HECW2: variants seen among roughly 807,000 people sequenced by gnomAD.
HECW2 encodes HECT, C2 and WW domain containing E3 ubiquitin protein ligase 2.
In HECW2, 61 loss-of-function variants were observed where a neutral mutation model predicts 175.2. The observed-to-expected ratio is 0.35, with a 90% CI of 0.28 to 0.43. HECW2 has a LOEUF of 0.43. HECW2 is among the 20% of genes least tolerant of loss of function. The pLI is 1.00. For missense variants in HECW2, 1,524 were observed against 2,000.5 expected, an observed-to-expected ratio of 0.76 and a Z score of 4.54; for synonymous variants, 671 against 731.0, an observed-to-expected ratio of 0.92 and a Z score of 1.32.
intron 1 of HECW2, among the ~76,000 whole-genome samples, chr2:196,447,175 AAAAGGACTACCTAC>A (rs2125300829): frequency 6.6e-6 from 1 of 152,362 alleles, no homozygotes; most frequent in Admixed American, 6.5e-5. Context: ...AATCTTTTCC[AAAAGGACTACCTAC>A]AAAGCACTGT....
At chr2:196,499,996 G>C (rs1475538077) in intron 1 of HECW2, among the ~76,000 whole-genome samples, 2 of 152,126 alleles carry the variant, frequency 1.3e-5, no homozygotes, top group Non-Finnish European at 2.9e-5. Flanking sequence ...TATGACAGCA[G>C]ATGGAATAAT....
In HECW2 at chr2:196,319,730, C is replaced by T. The variant is rs770779546; in HGVS notation, c.1160G>A (p.Arg387Lys). The T allele has an allele frequency of 6.8e-6, 11 of 1,614,142 alleles. No individual in the cohort carries two copies. The highest frequency in any genetic ancestry group is 1.1e-5 in the South Asian group (1 of 91,082). Residue 387 changes from arginine (R) to lysine (K), a missense_variant, in exon 9 of 29, where the codon AGG becomes AAG. Arg to Lys is a conservative substitution (Grantham distance 26). Transcript: ENST00000644978. Reference sequence around the variant, plus strand: ...GTCTATTTCCAGAGTGGAGCTAGTCCTGAATGAATGCTTGGGGGTTCCATC... The same window carrying T: ...GTCTATTTCCAGAGTGGAGCTAGTCTTGAATGAATGCTTGGGGGTTCCATC... ...AADGTPKHSF[R>K]TSSTLEIDTE...
chr2:196,365,513 C>T (rs1693719494), intron 2 of HECW2, among the ~76,000 whole-genome samples: 2 of 152,124 alleles, frequency 1.3e-5, no homozygotes, highest in African/African-American at 4.8e-5. Flanking sequence ...CCCTGTGTTC[C>T]TAAAGCAGCC....
chr2:196,497,222 C>G (rs1026148386), intron 1 of HECW2, among the ~76,000 whole-genome samples: 3 of 152,190 alleles, frequency 2.0e-5, no homozygotes, highest in African/African-American at 7.2e-5. Context: ...CCTAAGGTAA[C>G]TTGTATTTCC....
At chr2:196,482,143 T>C (rs182430360) in intron 1 of HECW2, among the ~76,000 whole-genome samples, 5 of 152,356 alleles carry the variant, frequency 3.3e-5, no homozygotes, top group Non-Finnish European at 7.4e-5. Context: ...TGCTTTTAAA[T>C]TGCTATTAAT....
chr2:196,432,845 G>A (rs1458575758), intron 2 of HECW2, among the ~76,000 whole-genome samples: 4 of 152,058 alleles, frequency 2.6e-5, no homozygotes, highest in African/African-American at 4.8e-5. Context: ...AAGTTTTATT[G>A]GTGCAATTAC....
intron 1 of HECW2, among the ~76,000 whole-genome samples, chr2:196,442,146 T>C (rs1696061207): frequency 6.6e-6 from 1 of 152,130 alleles, no homozygotes; most frequent in South Asian, 2.1e-4. Flanking sequence ...GAGAAAATCA[T>C]TAATATTTAA....
chr2:196,581,123 G>C (rs1690764178), intron 1 of HECW2, among the ~76,000 whole-genome samples: 1 of 152,198 alleles, frequency 6.6e-6, no homozygotes, highest in Non-Finnish European at 1.5e-5. Context: ...ATAAGAGTTT[G>C]GGAGCAGGAA....
At chr2:196,361,669 A>T in intron 2 of HECW2, 1 of 304,620 alleles carries the variant, frequency 3.3e-6, no homozygotes, top group Non-Finnish European at 4.8e-6. Context: ...GTTTGTTAAT[A>T]ATTGTCCCTC....
chr2:196,561,082 T>C (rs1231658204), intron 1 of HECW2, among the ~76,000 whole-genome samples: 2 of 152,214 alleles, frequency 1.3e-5, no homozygotes, highest in Non-Finnish European at 2.9e-5. Context: ...CAGAGCCACA[T>C]TTCTCTTATT....
intron 23 of HECW2, among the ~76,000 whole-genome samples, chr2:196,223,488 A>G (rs1250503967): frequency 6.6e-6 from 1 of 152,192 alleles, no homozygotes; most frequent in Non-Finnish European, 1.5e-5. Flanking sequence ...AGAGAATAAC[A>G]TGAACAAAAT....
chr2:196,442,930 AG>A (rs1167594236), intron 1 of HECW2, among the ~76,000 whole-genome samples: 4 of 152,208 alleles, frequency 2.6e-5, no homozygotes, highest in African/African-American at 7.2e-5. Context: ...CTTAGTTGCA[AG>A]GAACAGAAGC....
chr2:196,501,403 A>G (rs2125402792), intron 1 of HECW2, among the ~76,000 whole-genome samples: 1 of 152,194 alleles, frequency 6.6e-6, no homozygotes, highest in East Asian at 1.9e-4. Context: ...TTTAGTAGAG[A>G]CAGGCGTGGG....
chr2:196,238,400 G>A (rs1174520402), intron 21 of HECW2: 1 of 152,098 alleles, frequency 6.6e-6, no homozygotes. Flanking sequence ...AGGTGGCAAA[G>A]GCTAAAAGAG....
intron 2 of HECW2, among the ~76,000 whole-genome samples, chr2:196,370,982 C>G (rs957877840): frequency 6.6e-6 from 1 of 152,190 alleles, no homozygotes; most frequent in African/African-American, 2.4e-5. Context: ...AAATTAAAAC[C>G]AGATACTGTG....
intron 2 of HECW2, among the ~76,000 whole-genome samples, chr2:196,373,875 A>G (rs1347849920): frequency 6.6e-6 from 1 of 151,944 alleles, no homozygotes; most frequent in Non-Finnish European, 1.5e-5. Context: ...TACTAAAAAT[A>G]CAAAAAATTA....
intron 4 of HECW2, among the ~76,000 whole-genome samples, chr2:196,331,931 A>T (rs1229252512): frequency 6.6e-6 from 1 of 152,230 alleles, no homozygotes; most frequent in Non-Finnish European, 1.5e-5. Context: ...AAACCCAGAA[A>T]TAAGAACGTC....
At chr2:196,313,119 T>G (rs1442891786) in intron 10 of HECW2, among the ~76,000 whole-genome samples, 1 of 152,116 alleles carries the variant, frequency 6.6e-6, no homozygotes, top group African/African-American at 2.4e-5. Flanking sequence ...AACTACCATT[T>G]TGGGGGAAAA....
chr2:196,224,685 C>T (rs767221968), intron 23 of HECW2, among the ~76,000 whole-genome samples: 5 of 152,120 alleles, frequency 3.3e-5, no homozygotes, highest in Non-Finnish European at 5.9e-5. Flanking sequence ...AATGCCTCCA[C>T]AGGTTTTCTG....
Sources: gnomAD v4.1 joint callset for allele counts (sites outside exome capture counted in the v4.1 genomes callset) on GRCh38, gnomAD v4.1.1 for gene constraint, MANE v1.5 for transcripts, NCBI Gene and HGNC (gene_info 2026-07-23, HGNC 2026-07-21) for gene names.